LY75: variants seen among roughly 807,000 people sequenced by gnomAD.
LY75 encodes C-type lectin domain family 13 member B.
Under a neutral mutation model 231.7 loss-of-function variants are expected in LY75, and 185 were observed. The ratio of observed to expected loss-of-function variants is 0.80; its 90% CI spans 0.71 to 0.90. The LOEUF (loss-of-function observed/expected upper bound fraction) is 0.90, where lower values mean the gene tolerates loss of function less well. Among genes scored for constraint, LY75 ranks in the 40% least tolerant of loss-of-function variants. The probability of loss-of-function intolerance (pLI) is 0.00; values close to 1 mark genes in which losing one functional copy is unlikely to be tolerated. For synonymous variants in LY75, 668 were observed against 689.0 expected (o/e 0.97, Z 0.48); for missense variants, 1,947 against 2,050.2 (o/e 0.95, Z 0.97).
At chr2:159,831,112 T>C (rs989243197) in intron 28 of LY75, among the ~76,000 whole-genome samples, 7 of 152,222 alleles carry the variant, frequency 4.6e-5, no homozygotes, top group African/African-American at 1.4e-4. Context: ...GGTTTGGCTC[T>C]GTGTCCTCAT....
At chr2:159,841,912 A>T (rs1684042063) in intron 24 of LY75, among the ~76,000 whole-genome samples, 1 of 152,144 alleles carries the variant, frequency 6.6e-6, no homozygotes, top group Admixed American at 6.5e-5. Context: ...TATGGCAATG[A>T]TCCTTTAAAA....
At chr2:159,886,051 G>A (rs959648825) in intron 5 of LY75, among the ~76,000 whole-genome samples, 1 of 152,158 alleles carries the variant, frequency 6.6e-6, no homozygotes, top group Non-Finnish European at 1.5e-5. Flanking sequence ...TTGAAAACGA[G>A]CGGATAATTC....
At chr2:159,842,407 A>G in intron 23 of LY75, 33 bp from the exon 24 acceptor site, 1 of 1,591,172 alleles carries the variant, frequency 6.3e-7, no homozygotes, top group Non-Finnish European at 8.6e-7. Flanking sequence ...ACATGCAATC[A>G]TGTAACAATG....
At chr2:159,860,494 C>T (rs1420953917) in intron 15 of LY75, among the ~76,000 whole-genome samples, 1 of 152,200 alleles carries the variant, frequency 6.6e-6, no homozygotes, top group Admixed American at 6.5e-5. Context: ...CTCTATCCAT[C>T]CTTAAAGTCC....
At chr2:159,863,266 A>T (rs1684767068) in intron 14 of LY75, among the ~76,000 whole-genome samples, 2 of 151,888 alleles carry the variant, frequency 1.3e-5, no homozygotes, top group African/African-American at 4.8e-5. Context: ...TGCTGCAGTC[A>T]CCCTCCGAGT....
At chr2:159,881,305 A>G (rs1685429502) in intron 7 of LY75, 65 bp from the exon 8 acceptor site, 1 of 1,492,212 alleles carries the variant, frequency 6.7e-7, no homozygotes, top group Admixed American at 2.1e-5. Context: ...GTACATTGTT[A>G]TACAAATTTT....
At chr2:159,823,172 A>T (rs1189844528) in intron 28 of LY75, among the ~76,000 whole-genome samples, 1 of 152,160 alleles carries the variant, frequency 6.6e-6, no homozygotes, top group Non-Finnish European at 1.5e-5. Flanking sequence ...GCATGTTCTA[A>T]CCCAATGCAA....
intron 21 of LY75, among the ~76,000 whole-genome samples, chr2:159,851,155 T>C (rs994558851): frequency 2.6e-5 from 4 of 152,130 alleles, no homozygotes; most frequent in African/African-American, 9.7e-5. Flanking sequence ...ATATCAGCTA[T>C]GCAAATTAAC....
In LY75 at chr2:159,825,679, C is replaced by G. The variant is rs149467603; in HGVS notation, c.3959-5759G>C. ...AAAAAAGAAAATTTCAGGCCAATAT[C>G]TCTGATGAACATCGATGCAAAAATC... is the stretch of plus-strand genomic sequence containing the variant. On this transcript the variant is annotated intron_variant, in intron 28 of 34. Coordinates refer to ENST00000263636, the MANE Select transcript of LY75 (RefSeq NM_002349.4). 2.1e-3 allele frequency among the ~76,000 whole-genome samples: 318 copies of G among 152,328 alleles called. 1 individual carries two copies. The highest frequency in any genetic ancestry group is 7.1e-3 in the African/African-American group (294 of 41,570).
chr2:159,838,564 T>A (rs1683905561), intron 25 of LY75, among the ~76,000 whole-genome samples: 1 of 152,194 alleles, frequency 6.6e-6, no homozygotes, highest in Non-Finnish European at 1.5e-5. Context: ...ACTGACAAAT[T>A]TTCTACATTG....
At chr2:159,848,952 T>G (rs766060510) in intron 23 of LY75, among the ~76,000 whole-genome samples, 2 of 152,166 alleles carry the variant, frequency 1.3e-5, no homozygotes, top group African/African-American at 2.4e-5. Flanking sequence ...TTTGTTTCAA[T>G]TAATATTATA....
intron 10 of LY75, 42 bp from the exon 11 acceptor site, chr2:159,878,535 T>G: frequency 6.2e-7 from 1 of 1,612,578 alleles, no homozygotes; most frequent in Non-Finnish European, 8.5e-7. Flanking sequence ...TCACAATGAT[T>G]GACTCTATTT....
intron 29 of LY75, among the ~76,000 whole-genome samples, chr2:159,817,597 A>G (rs1341586339): frequency 6.6e-6 from 1 of 152,228 alleles, no homozygotes; most frequent in Non-Finnish European, 1.5e-5. Context: ...ATTATAATCC[A>G]AAGTATAAAA....
chr2:159,854,722 C>G (rs1340478896), intron 17 of LY75, among the ~76,000 whole-genome samples, 182 bp downstream of exon 17: 6 of 152,184 alleles, frequency 3.9e-5, no homozygotes, highest in Non-Finnish European at 5.9e-5. Flanking sequence ...CCTACACTCA[C>G]AGGGAAGGAA....
intron 4 of LY75, among the ~76,000 whole-genome samples, chr2:159,888,097 G>C (rs1336492055): frequency 2.0e-5 from 3 of 152,084 alleles, no homozygotes; most frequent in Non-Finnish European, 4.4e-5. Flanking sequence ...AAACAATACA[G>C]GAAAAGGGTA....
intron 31 of LY75, among the ~76,000 whole-genome samples, chr2:159,813,078 G>T (rs1574520448): frequency 6.6e-6 from 1 of 152,122 alleles, no homozygotes; most frequent in Non-Finnish European, 1.5e-5. Context: ...GGACACTTGG[G>T]TTGCTTTCAT....
chr2:159,851,406 C>G (rs942445691), intron 21 of LY75, among the ~76,000 whole-genome samples: 3 of 152,074 alleles, frequency 2.0e-5, no homozygotes, highest in African/African-American at 7.2e-5. Flanking sequence ...CCAAGCTACC[C>G]AATGTGGACA....
rs368571106 is a variant in LY75, at chr2:159,881,276, C to T, written c.1247-36G>A. ...AATGTATTATTTGTTTGGTTTTGCT[C>T]AATTAAATACTGTAATATGTACATT... On this transcript the variant is annotated intron_variant, in intron 7 of 34. Coordinates refer to ENST00000263636, the MANE Select transcript of LY75 (RefSeq NM_002349.4). 221 of 1,590,104 alleles carry T rather than the reference C, an allele frequency of 1.4e-4. 1 individual carries two copies. The highest frequency in any genetic ancestry group is 7.1e-4 in the African/African-American group (53 of 74,140).
At chr2:159,887,415 A>G (rs1352361393) in intron 4 of LY75, among the ~76,000 whole-genome samples, 4 of 151,598 alleles carry the variant, frequency 2.6e-5, no homozygotes, top group Admixed American at 6.6e-5. Flanking sequence ...AAAATTAGCC[A>G]GGTGTGGTGG....
Sources: gnomAD v4.1 joint callset for allele counts (sites outside exome capture counted in the v4.1 genomes callset) on GRCh38, gnomAD v4.1.1 for gene constraint, MANE v1.5 for transcripts, NCBI Gene and HGNC (gene_info 2026-07-23, HGNC 2026-07-21) for gene names.